Variants in FAF1 observed in about 807,000 individuals in gnomAD.
FAF1 encodes the protein FAS-associated factor 1.
In FAF1, 25 loss-of-function variants were observed where a neutral mutation model predicts 92.5. That is an observed-to-expected ratio of 0.27 (90% CI 0.20 to 0.38). The LOEUF is 0.38. Ranked by LOEUF, FAF1 falls within the 10% of genes least tolerant of loss-of-function variation. The pLI, the probability that FAF1 is intolerant of heterozygous loss-of-function variation, is 1.00. For missense variants in FAF1, 636 were observed against 793.3 expected, an observed-to-expected ratio of 0.80 and a Z score of 2.38; for synonymous variants, 234 against 273.2, an observed-to-expected ratio of 0.86 and a Z score of 1.42.
At chr1:50,688,314 T>C (rs1394475528) in intron 7 of FAF1, among the ~76,000 whole-genome samples, 2 of 152,144 alleles carry the variant, frequency 1.3e-5, no homozygotes, top group Non-Finnish European at 2.9e-5. Context: ...AGAATTACCA[T>C]ATGATTCAGC....
In FAF1 at chr1:50,440,347, G is replaced by C. The variant is rs188875228; in HGVS notation, c.*1093C>G. The stretch of plus-strand genomic sequence containing the variant: ...AGGTTTCAGGCAACACATGTCTTCT[G>C]AGTTGAGTCCCCAAGTTTGCTCTCT... On this transcript the variant is annotated 3_prime_UTR_variant, in exon 19 of 19. Coordinates refer to ENST00000396153, the MANE Select transcript of FAF1 (RefSeq NM_007051.3). 1 of 152,334 alleles carries C rather than the reference G, an allele frequency of 6.6e-6. No homozygotes were observed. Among genetic ancestry groups the C allele is most frequent in the Admixed American group, 6.5e-5 (1 of 15,302 alleles). 9.4% of individuals were successfully genotyped at this position (152,334 alleles called of 1,614,324 possible).
intron 11 of FAF1, among the ~76,000 whole-genome samples, 196 bp from the exon 12 acceptor site, chr1:50,582,895 A>T (rs1328584391): frequency 2.0e-5 from 3 of 152,150 alleles, no homozygotes; most frequent in Admixed American, 2.0e-4. Flanking sequence ...TGATATACTA[A>T]AATACTGGAA....
At chr1:50,717,999 ATTTATTT>A (rs1658250867) in intron 6 of FAF1, among the ~76,000 whole-genome samples, 1 of 141,822 alleles carries the variant, frequency 7.1e-6, no homozygotes, top group East Asian at 2.0e-4. Flanking sequence ...TTATTTATTT[ATTTATTT>A]ATTTATTTAT....
intron 18 of FAF1, among the ~76,000 whole-genome samples, chr1:50,449,211 T>C (rs2148978180): frequency 6.6e-6 from 1 of 152,304 alleles, no homozygotes; most frequent in Non-Finnish European, 1.5e-5. Flanking sequence ...GTTAAAGCTA[T>C]CCTAAGATTG....
intron 1 of FAF1, among the ~76,000 whole-genome samples, chr1:50,879,324 A>G (rs1193604285): frequency 6.6e-6 from 1 of 152,184 alleles, no homozygotes; most frequent in Non-Finnish European, 1.5e-5. Flanking sequence ...GGTTACCTCA[A>G]TTCATTAGAA....
intron 15 of FAF1, among the ~76,000 whole-genome samples, chr1:50,528,468 A>G (rs1410542766): frequency 1.3e-5 from 2 of 152,216 alleles, no homozygotes; most frequent in Non-Finnish European, 1.5e-5. Flanking sequence ...GTTCTAAGAA[A>G]CACTGACACT....
intron 2 of FAF1, among the ~76,000 whole-genome samples, chr1:50,835,570 CAAAAAA>C (rs573942977): frequency 7.3e-5 from 4 of 54,890 alleles, no homozygotes; most frequent in Admixed American, 5.9e-4. Flanking sequence ...GACTCCATCT[CAAAAAA>C]AAAAAAAAAA....
At chr1:50,804,502 T>A (rs910440225) in intron 2 of FAF1, among the ~76,000 whole-genome samples, 1 of 152,020 alleles carries the variant, frequency 6.6e-6, no homozygotes, top group South Asian at 2.1e-4. Context: ...GAAGAAACTA[T>A]AAGGAGCTAT....
intron 5 of FAF1, among the ~76,000 whole-genome samples, chr1:50,740,002 A>G (rs1294507860): frequency 6.9e-6 from 1 of 144,592 alleles, no homozygotes; most frequent in Non-Finnish European, 1.5e-5. Context: ...GTATACCTTT[A>G]CATCATAAGC....
intron 13 of FAF1, among the ~76,000 whole-genome samples, chr1:50,547,069 T>G (rs898920666): frequency 6.6e-6 from 1 of 151,954 alleles, no homozygotes; most frequent in African/African-American, 2.4e-5. Flanking sequence ...TCGTATTTTT[T>G]TTTTTGTAGA....
intron 3 of FAF1, among the ~76,000 whole-genome samples, chr1:50,790,383 G>C (rs1196217908): frequency 6.6e-6 from 1 of 151,966 alleles, no homozygotes; most frequent in Non-Finnish European, 1.5e-5. Flanking sequence ...CTCATGATCC[G>C]CCTGCCTCGG....
intron 8 of FAF1, among the ~76,000 whole-genome samples, chr1:50,600,348 T>C (rs1347829876): frequency 3.9e-5 from 6 of 152,124 alleles, no homozygotes. Flanking sequence ...TGAACAGTGA[T>C]TGCATGATGT....
At chr1:50,802,095 C>CT (rs112736640) in intron 2 of FAF1, among the ~76,000 whole-genome samples, 5,186 of 145,294 alleles carry the variant, frequency 0.036, 301 homozygotes, top group African/African-American at 0.12. Context: ...GATTACTATT[C>CT]TTTTTTTTTT....
In FAF1 at chr1:50,573,404, C is replaced by T. The variant is rs143867195; in HGVS notation, c.1114-6173G>A. 1.9e-4 allele frequency among the ~76,000 whole-genome samples: 29 copies of T among 151,464 alleles called. No homozygotes were observed. The East Asian group carries it at 4.9e-3, about 25-fold the overall frequency. On this transcript the variant is annotated intron_variant, in intron 12 of 18. Transcript: ENST00000396153. ...GTAAGCCACTGTGCCTGGCCTGAAG[C>T]GGAATTTTAAATATACGTGAGAGTG...
intron 1 of FAF1, among the ~76,000 whole-genome samples, chr1:50,923,939 T>C (rs1447918217): frequency 1.3e-5 from 2 of 152,174 alleles, no homozygotes; most frequent in Non-Finnish European, 2.9e-5. Context: ...AATAAACCCA[T>C]ATATGACATA....
At chr1:50,953,693 C>A (rs1458067699) in intron 1 of FAF1, among the ~76,000 whole-genome samples, 1 of 151,612 alleles carries the variant, frequency 6.6e-6, no homozygotes, top group Non-Finnish European at 1.5e-5. Context: ...GAGCCAAGAT[C>A]ACGCCACTGC....
At chr1:50,887,928 G>A (rs1644683563) in intron 1 of FAF1, among the ~76,000 whole-genome samples, 1 of 152,184 alleles carries the variant, frequency 6.6e-6, no homozygotes, top group African/African-American at 2.4e-5. Context: ...GTCATTGGTA[G>A]CTTGATGGGG....
intron 7 of FAF1, among the ~76,000 whole-genome samples, chr1:50,660,899 C>T (rs984160643): frequency 6.6e-6 from 1 of 152,020 alleles, no homozygotes; most frequent in Non-Finnish European, 1.5e-5. Flanking sequence ...AAAACATGAT[C>T]GTTTCTGATT....
chr1:50,787,262 C>T (rs1661394635), intron 4 of FAF1, among the ~76,000 whole-genome samples: 1 of 152,172 alleles, frequency 6.6e-6, no homozygotes, highest in Admixed American at 6.5e-5. Flanking sequence ...TCTGATTTCT[C>T]ATTAAACATA....
Sources: gnomAD v4.1 joint callset for allele counts (sites outside exome capture counted in the v4.1 genomes callset) on GRCh38, gnomAD v4.1.1 for gene constraint, MANE v1.5 for transcripts, NCBI Gene and HGNC (gene_info 2026-07-23, HGNC 2026-07-21) for gene names.